Variants in DLC1 observed in about 807,000 individuals in gnomAD.
The protein encoded by DLC1 is rho GTPase-activating protein 7.
In DLC1, 54 loss-of-function variants were observed where a neutral mutation model predicts 140.3. The observed-to-expected ratio is 0.38, with a 90% CI of 0.31 to 0.48. The LOEUF (loss-of-function observed/expected upper bound fraction) is 0.48, where lower values mean the gene tolerates loss of function less well. DLC1 is among the 20% of genes least tolerant of loss of function. The pLI, the probability that DLC1 is intolerant of heterozygous loss-of-function variation, is 0.96. For synonymous variants in DLC1, 986 were observed against 728.1 expected (o/e 1.35, Z -5.70); for missense variants, 2,536 against 1,907.0 (o/e 1.33, Z -6.14).
chr8:13,568,071 CT>C (rs896778856), intron 1 of DLC1: 566 of 1,126,828 alleles, frequency 5.0e-4, no homozygotes, highest in Middle Eastern at 6.1e-4. Context: ...AGAACTTTCA[CT>C]TTTTTTTTCC....
intron 2 of DLC1, among the ~76,000 whole-genome samples, chr8:13,421,155 G>C (rs1020663307): frequency 6.6e-6 from 1 of 152,124 alleles, no homozygotes; most frequent in African/African-American, 2.4e-5. Flanking sequence ...GACAGATCCA[G>C]AATACATGTC....
At chr8:13,231,928 G>A (rs138127974) in intron 5 of DLC1, among the ~76,000 whole-genome samples, 51 of 152,160 alleles carry the variant, frequency 3.4e-4, no homozygotes, top group Non-Finnish European at 6.3e-4. Context: ...TGTTGGGGTC[G>A]CCAGAAAACA....
At chr8:13,307,762 TCAC>T (rs1563241625) in intron 4 of DLC1, among the ~76,000 whole-genome samples, 2 of 152,296 alleles carry the variant, frequency 1.3e-5, no homozygotes, top group South Asian at 4.1e-4. Flanking sequence ...CTGCAGAAAT[TCAC>T]CACATCTTTA....
At chr8:13,329,346 T>C (rs932562953) in intron 4 of DLC1, among the ~76,000 whole-genome samples, 2 of 151,496 alleles carry the variant, frequency 1.3e-5, no homozygotes, top group African/African-American at 4.8e-5. Flanking sequence ...ATCATTGGGA[T>C]GCATAGAAGG....
At chr8:13,114,983 C>T (rs1359661903) in intron 6 of DLC1, among the ~76,000 whole-genome samples, 1 of 152,104 alleles carries the variant, frequency 6.6e-6, no homozygotes, top group African/African-American at 2.4e-5. Flanking sequence ...GGGATAGAAG[C>T]AAGATGAATC....
chr8:13,266,903 C>G (rs776271106), intron 5 of DLC1, among the ~76,000 whole-genome samples: 1 of 152,176 alleles, frequency 6.6e-6, no homozygotes, highest in African/African-American at 2.4e-5. Context: ...TTGGCTTCAT[C>G]GCCAGTCTTC....
rs570242611 is a variant in DLC1, at chr8:13,409,559, C to G, written c.1024-7940G>C. ...ACCTACTGTGGCTAAACATTTTTATCTGAAATTAAAGTGTAACTGGGTATT... is the reference window on the plus strand; with the variant it reads ...ACCTACTGTGGCTAAACATTTTTATGTGAAATTAAAGTGTAACTGGGTATT... On this transcript the variant is annotated intron_variant, in intron 2 of 17. Transcript: ENST00000276297. Among the ~76,000 whole-genome samples, 664 of 152,220 alleles carry G rather than the reference C, an allele frequency of 4.4e-3. 8 individuals carry two copies. The highest frequency in any genetic ancestry group is 0.015 in the African/African-American group (638 of 41,534).
At chr8:13,371,250 G>A (rs1480561460) in intron 4 of DLC1, among the ~76,000 whole-genome samples, 9 of 151,920 alleles carry the variant, frequency 5.9e-5, no homozygotes, top group Admixed American at 2.6e-4. Context: ...CAGTTTCGGC[G>A]TCATCATTTT....
At chr8:13,163,286 G>A (rs1382702544) in intron 5 of DLC1, among the ~76,000 whole-genome samples, 1 of 152,156 alleles carries the variant, frequency 6.6e-6, no homozygotes, top group Non-Finnish European at 1.5e-5. Context: ...GTACTGGATT[G>A]TTTGATTGGT....
At chr8:13,126,009 A>G (rs1038549241) in intron 5 of DLC1, among the ~76,000 whole-genome samples, 1 of 152,026 alleles carries the variant, frequency 6.6e-6, no homozygotes, top group Non-Finnish European at 1.5e-5. Context: ...ATCATCTAGT[A>G]CAAGAGTTTG....
At chr8:13,281,258 C>G (rs1455143596) in intron 5 of DLC1, among the ~76,000 whole-genome samples, 1 of 152,224 alleles carries the variant, frequency 6.6e-6, no homozygotes, top group Non-Finnish European at 1.5e-5. Flanking sequence ...TAAGGATCCA[C>G]TGAATTTGGG....
intron 1 of DLC1, among the ~76,000 whole-genome samples, chr8:13,537,707 G>T (rs1423212682): frequency 8.0e-6 from 1 of 124,804 alleles, no homozygotes; most frequent in Non-Finnish European, 1.6e-5. Context: ...AGGCTAGAAT[G>T]CAGTGGCGCG....
At chr8:13,145,720 C>T (rs551749168) in intron 5 of DLC1, among the ~76,000 whole-genome samples, 24 of 152,186 alleles carry the variant, frequency 1.6e-4, no homozygotes, top group Non-Finnish European at 2.5e-4. Context: ...CATGCAACAA[C>T]GTGGATAAAT....
chr8:13,465,118 A>G (rs1799872701), intron 2 of DLC1, among the ~76,000 whole-genome samples: 1 of 152,124 alleles, frequency 6.6e-6, no homozygotes, highest in Non-Finnish European at 1.5e-5. Context: ...CATTGTATTG[A>G]TATGCTACAA....
At chr8:13,125,513 G>A (rs764699040) in intron 5 of DLC1, among the ~76,000 whole-genome samples, 4 of 152,156 alleles carry the variant, frequency 2.6e-5, no homozygotes, top group African/African-American at 7.2e-5. Context: ...TGACTTGGGC[G>A]CTGAAATACC....
At chr8:13,408,714 A>G (rs1837667595) in intron 2 of DLC1, among the ~76,000 whole-genome samples, 1 of 152,188 alleles carries the variant, frequency 6.6e-6, no homozygotes, top group Non-Finnish European at 1.5e-5. Flanking sequence ...ATTATAGAAT[A>G]TAGGATCAGT....
In DLC1 at chr8:13,499,084, G is replaced by T; in HGVS notation, c.988C>A (p.Pro330Thr). Residue 330 changes from proline (P) to threonine (T), a missense_variant, in exon 2 of 18, where the codon CCC becomes ACC. By Grantham distance (38) the Pro-to-Thr change is conservative (BLOSUM62 -1). Coordinates refer to ENST00000276297, the MANE Select transcript of DLC1 (RefSeq NM_182643.3). ...CGAAGTCTGACTTGGTTATCTGTGG[G>T]TTCCTGGGTGGCCAGGGTCTCCTTT... ...QLKETLATQE[P>T]TDNQVRLRKR... is the part of the protein sequence containing the mutation. 2.5e-6 allele frequency: 4 copies of T among 1,613,632 alleles called. No homozygotes were observed. The highest frequency in any genetic ancestry group is 3.4e-6 in the Non-Finnish European group (4 of 1,179,800).
At chr8:13,276,581 C>G (rs1030356453) in intron 5 of DLC1, 175 of 1,261,580 alleles carry the variant, frequency 1.4e-4, no homozygotes, top group Non-Finnish European at 1.6e-4. Context: ...CAAGCGCGCG[C>G]GGCGGCCACA....
chr8:13,296,592 ATGTCTGTATGAGT>A (rs1831965110), intron 5 of DLC1, among the ~76,000 whole-genome samples: 1 of 152,174 alleles, frequency 6.6e-6, no homozygotes, highest in African/African-American at 2.4e-5. Flanking sequence ...GATTAGCTGA[ATGTCTGTATGAGT>A]TGTTTCATCT....
Sources: gnomAD v4.1 joint callset for allele counts (sites outside exome capture counted in the v4.1 genomes callset) on GRCh38, gnomAD v4.1.1 for gene constraint, MANE v1.5 for transcripts, NCBI Gene and HGNC (gene_info 2026-07-23, HGNC 2026-07-21) for gene names.